Variants in EFEMP1 observed in about 807,000 individuals in gnomAD.
The protein encoded by EFEMP1 is EGF-like fibulin extracellular matrix protein 1, also known as EGF-containing fibulin-like extracellular matrix protein 1.
Under a neutral mutation model 65.7 loss-of-function variants are expected in EFEMP1, and 18 were observed. The ratio of observed to expected loss-of-function variants is 0.27; its 90% CI spans 0.19 to 0.41. The LOEUF is 0.41. Among genes scored for constraint, EFEMP1 ranks in the 10% least tolerant of loss-of-function variants. The pLI is 1.00. For synonymous variants in EFEMP1, 237 were observed against 219.7 expected (o/e 1.08, Z -0.70); for missense variants, 469 against 624.8 (o/e 0.75, Z 2.66).
At chr2:55,875,365 C>CACACACACACACACACAT (rs1457478860) in intron 8 of EFEMP1, among the ~76,000 whole-genome samples, 2,739 of 136,246 alleles carry the variant, frequency 0.02, 91 homozygotes, top group African/African-American at 0.069. Context: ...CACACACACA[C>CACACACACACACACACAT]ATATATATTT....
intron 11 of EFEMP1, among the ~76,000 whole-genome samples, chr2:55,869,153 A>G (rs1417190632): frequency 6.6e-6 from 1 of 152,186 alleles, no homozygotes; most frequent in Non-Finnish European, 1.5e-5. Flanking sequence ...TGAATAATAA[A>G]TAACTGTAAA....
chr2:55,901,245 T>G (rs546454711), intron 5 of EFEMP1, among the ~76,000 whole-genome samples: 104 of 152,374 alleles, frequency 6.8e-4, no homozygotes, highest in African/African-American at 2.5e-3. Context: ...GAGCAGTGTT[T>G]ATTAAATGTC....
rs905436303 is a variant in EFEMP1, at chr2:55,917,163, T to G, written c.517+502A>C. Among the ~76,000 whole-genome samples the G allele has an allele frequency of 3.9e-5, 6 of 152,184 alleles. No individual in the cohort carries two copies. Among genetic ancestry groups the G allele is most frequent in the African/African-American group, 1.4e-4 (6 of 41,454 alleles). ...AAAGGGGTACATCTGTAGAGTAGCT[T>G]GACAGCATAATTTCAAATTCCCAGT... On this transcript the variant is annotated intron_variant, in intron 5 of 11. Transcript: ENST00000355426. This position sits in a 1 kb window ranked among gnomAD's most constrained non-coding sequence, Gnocchi z 6.3.
In EFEMP1 at chr2:55,917,927, C is replaced by T. The variant is rs1228132649; in HGVS notation, c.255G>A (p.Gln85=). The T allele has an allele frequency of 6.2e-7, 1 of 1,614,202 alleles. No individual in the cohort carries two copies. Among genetic ancestry groups the T allele is most frequent in the Non-Finnish European group, 8.5e-7 (1 of 1,180,036 alleles). Reference sequence around the variant, plus strand: ...TTCCTTCTGCTGGTTGTGTTTCCTGCTGAGGCTGTTCATTATTGACAATAA... The same window carrying T: ...TTCCTTCTGCTGGTTGTGTTTCCTGTTGAGGCTGTTCATTATTGACAATAA... ...AQIIVNNEQP[Q]QETQPAEGTS... Residue 85 remains glutamine (Q), a synonymous_variant, in exon 5 of 12, where the codon CAG becomes CAA. Coordinates refer to ENST00000355426, the MANE Select transcript of EFEMP1 (RefSeq NM_001039348.3). The surrounding 1 kb of genome is among the most constrained non-coding windows in gnomAD (Gnocchi z 6.3).
At chr2:55,903,138 A>T (rs1047751886) in intron 5 of EFEMP1, among the ~76,000 whole-genome samples, 1 of 152,334 alleles carries the variant, frequency 6.6e-6, no homozygotes, top group African/African-American at 2.4e-5. Flanking sequence ...TGGGGTTTCC[A>T]CCACCCTTTG....
At chr2:55,918,366 C>A in intron 3 of EFEMP1, 99 bp from the exon 4 acceptor site, 1 of 1,384,340 alleles carries the variant, frequency 7.2e-7, no homozygotes, top group East Asian at 2.3e-5. Flanking sequence ...TGGCAACAAT[C>A]CTTGTGCTAA....
intron 5 of EFEMP1, among the ~76,000 whole-genome samples, chr2:55,911,430 C>T (rs1037576371): frequency 2.6e-5 from 4 of 151,830 alleles, no homozygotes; most frequent in East Asian, 3.9e-4. Flanking sequence ...CTTGAGTAGG[C>T]GTCCATATTA....
chr2:55,917,728 T>C lies in EFEMP1; in HGVS notation c.454A>G (p.Asn152Asp), dbSNP rs1670754096. Reference sequence around the variant, plus strand: ...GCACACTGGATACGGTGGGAAGGGTTGGAGGGAATGCGCTGAGGGTCAGCT... The same window carrying C: ...GCACACTGGATACGGTGGGAAGGGTCGGAGGGAATGCGCTGAGGGTCAGCT... The part of the protein sequence containing the change: ...NPADPQRIPS[N>D]PSHRIQCAAG... Residue 152 changes from asparagine (N) to aspartate (D), a missense_variant, in exon 5 of 12, where the codon AAC (asparagine) becomes GAC (aspartate). Physicochemically the swap from Asn to Asp is conservative, Grantham distance 23 (BLOSUM62 1). Coordinates refer to ENST00000355426, the MANE Select transcript of EFEMP1 (RefSeq NM_001039348.3). The surrounding 1 kb of genome is among the most constrained non-coding windows in gnomAD (Gnocchi z 6.3). The C allele has an allele frequency of 6.2e-7, 1 of 1,614,170 alleles. No individual in the cohort carries two copies. Among genetic ancestry groups the C allele is most frequent in the East Asian group, 2.2e-5 (1 of 44,884 alleles).
intron 11 of EFEMP1, among the ~76,000 whole-genome samples, chr2:55,868,126 G>A (rs1380678732): frequency 6.6e-6 from 1 of 152,158 alleles, no homozygotes; most frequent in Non-Finnish European, 1.5e-5. Context: ...CAAGCTCCAC[G>A]GGGGCAGGAA....
At chr2:55,895,698 C>G (rs949726426) in intron 5 of EFEMP1, among the ~76,000 whole-genome samples, 3 of 151,882 alleles carry the variant, frequency 2.0e-5, no homozygotes, top group South Asian at 4.2e-4. Flanking sequence ...CCCGCCACCT[C>G]GCCCGGCTAA....
chr2:55,922,828 AC>A lies in EFEMP1; in HGVS notation c.-8+70del, dbSNP rs1455030861. ...TGCATTTCCTGCCCCCCAGTCCCACACCCCGGGGGATGGAGGTGGGGCTGCA... is the reference window on the plus strand; with the variant it reads ...TGCATTTCCTGCCCCCCAGTCCCACACCCGGGGGATGGAGGTGGGGCTGCA... On this transcript the variant is annotated intron_variant, in intron 2 of 11. Coordinates refer to ENST00000355426, the MANE Select transcript of EFEMP1 (RefSeq NM_001039348.3). The surrounding 1 kb of genome is among the most constrained non-coding windows in gnomAD (Gnocchi z 5.5). 1 of 1,083,386 alleles carries A rather than the reference AC, an allele frequency of 9.2e-7. No homozygotes were observed. Among genetic ancestry groups the A allele is most frequent in the Non-Finnish European group, 1.2e-6 (1 of 856,912 alleles). The allele number at this position is 1,083,386 out of a possible 1,614,324, so 67.1% of individuals were successfully genotyped here.
At chr2:55,909,382 T>C (rs1670398132) in intron 5 of EFEMP1, among the ~76,000 whole-genome samples, 1 of 152,180 alleles carries the variant, frequency 6.6e-6, no homozygotes, top group Non-Finnish European at 1.5e-5. Context: ...CTCTGCAAAG[T>C]GGTTCATCAA....
chr2:55,922,755 AAG>A lies in EFEMP1; in HGVS notation c.-8+142_-8+143del, dbSNP rs764666667. On this transcript the variant is annotated intron_variant, in intron 2 of 11. Coordinates refer to ENST00000355426, the MANE Select transcript of EFEMP1 (RefSeq NM_001039348.3). This position sits in a 1 kb window ranked among gnomAD's most constrained non-coding sequence, Gnocchi z 5.5. Reference sequence around the variant, plus strand: ...CTGCACCTACAAAGCAGGCTGCAGAAAGAGGGGGTCGAAAGGAAAAAACAGTA... The same window carrying A: ...CTGCACCTACAAAGCAGGCTGCAGAAAGGGGGTCGAAAGGAAAAAACAGTA... The A allele has an allele frequency of 7.3e-5, 42 of 578,168 alleles. No homozygotes were observed. The East Asian group carries it at 1.9e-3, about 26-fold the overall frequency. 35.8% of individuals were successfully genotyped at this position (578,168 alleles called of 1,614,324 possible). A position where few individuals can be genotyped will look rare whatever the true frequency, so the allele number is the denominator to read the frequency against.
chr2:55,908,181 A>T (rs1017617489), intron 5 of EFEMP1, among the ~76,000 whole-genome samples: 1 of 152,222 alleles, frequency 6.6e-6, no homozygotes. Flanking sequence ...GATTCTAAAA[A>T]CAAATTTGAG....
intron 5 of EFEMP1, among the ~76,000 whole-genome samples, chr2:55,902,391 C>T (rs1272250977): frequency 6.6e-6 from 1 of 152,186 alleles, no homozygotes; most frequent in Admixed American, 6.5e-5. Flanking sequence ...GATGGGAAAC[C>T]TTAATTCAAG....
intron 5 of EFEMP1, among the ~76,000 whole-genome samples, chr2:55,912,738 C>A (rs554793881): frequency 1.3e-4 from 19 of 151,776 alleles, no homozygotes; most frequent in Admixed American, 9.8e-4. Flanking sequence ...GTAATAATGA[C>A]AAAATAAAAT....
At position 55,877,623 on chromosome 2, in the gene EFEMP1, G is replaced by A. The variant is rs1469842102; in HGVS notation, c.760+123C>T. On this transcript the variant is annotated intron_variant, in intron 7 of 11. Coordinates refer to ENST00000355426, the MANE Select transcript of EFEMP1 (RefSeq NM_001039348.3). The surrounding 1 kb of genome is among the most constrained non-coding windows in gnomAD (Gnocchi z 4.5). ...TTGGTTATTATCTTTTAAGCTTTAT[G>A]ATTGCTGAAGGGAAGTCGATGGAAA... The A allele has an allele frequency of 6.3e-6, 9 of 1,438,998 alleles. No individual in the cohort carries two copies. In the South Asian group the frequency reaches 8.2e-5, roughly 13 times the overall value. 89.1% of individuals were successfully genotyped at this position (1,438,998 alleles called of 1,614,324 possible).
rs1009903139 is a variant in EFEMP1 at position 55,917,445 on chromosome 2, A to G, written c.517+220T>C. Among the ~76,000 whole-genome samples the G allele has an allele frequency of 6.6e-6, 1 of 152,228 alleles. No individual in the cohort carries two copies. Among genetic ancestry groups the G allele is most frequent in the African/African-American group, 2.4e-5 (1 of 41,464 alleles). On this transcript the variant is annotated intron_variant, in intron 5 of 11. Coordinates refer to ENST00000355426, the MANE Select transcript of EFEMP1 (RefSeq NM_001039348.3). This position sits in a 1 kb window ranked among gnomAD's most constrained non-coding sequence, Gnocchi z 6.3. ...ATATGGGCAGCTAGGGTTGGGAACCACTGATGAACTTTCTAAGCCACAGTT... is the reference window on the plus strand; with the variant it reads ...ATATGGGCAGCTAGGGTTGGGAACCGCTGATGAACTTTCTAAGCCACAGTT...
chr2:55,875,365 C>CAT (rs1553349820), intron 8 of EFEMP1, among the ~76,000 whole-genome samples: 216 of 137,176 alleles, frequency 1.6e-3, no homozygotes, highest in African/African-American at 5.2e-3. Flanking sequence ...CACACACACA[C>CAT]ATATATATTT....
Sources: allele counts gnomAD v4.1 joint callset (sites outside exome capture counted in the v4.1 genomes callset), GRCh38; gene constraint gnomAD v4.1.1; non-coding constraint Gnocchi (gnomAD v3.1); transcripts MANE v1.5; gene names NCBI Gene and HGNC (gene_info 2026-07-23, HGNC 2026-07-21).